Variants in DISC1 observed in about 807,000 individuals in gnomAD.
DISC1 encodes disrupted in schizophrenia 1 protein.
Under a neutral mutation model 84.5 loss-of-function variants are expected in DISC1, and 57 were observed. The observed-to-expected ratio is 0.67, with a 90% CI of 0.55 to 0.84. The LOEUF is 0.84. Among genes scored for constraint, DISC1 ranks in the 40% least tolerant of loss-of-function variants. DISC1 has a pLI of 0.00. For missense variants in DISC1, 1,000 were observed against 1,057.8 expected (o/e 0.95, Z 0.76); for synonymous variants, 411 against 415.2 (o/e 0.99, Z 0.12).
chr1:231,933,104 C>G (rs571548283), intron 9 of DISC1, among the ~76,000 whole-genome samples: 15 of 152,224 alleles, frequency 9.9e-5, no homozygotes, highest in Admixed American at 2.6e-4. Flanking sequence ...TTGTCGAGTA[C>G]CCATTATTTC....
chr1:231,864,793 G>A (rs1246160933), intron 9 of DISC1, among the ~76,000 whole-genome samples: 2 of 152,156 alleles, frequency 1.3e-5, no homozygotes, highest in Non-Finnish European at 2.9e-5. Context: ...AAAAATTCTT[G>A]TATATTGTTC....
chr1:231,816,587 T>G (rs1260543334), intron 8 of DISC1, among the ~76,000 whole-genome samples: 3 of 152,202 alleles, frequency 2.0e-5, no homozygotes, highest in Non-Finnish European at 4.4e-5. Flanking sequence ...TAAATTTTTG[T>G]GTGGTTTGAG....
chr1:231,814,683 A>G (rs985104578), intron 8 of DISC1, among the ~76,000 whole-genome samples: 2 of 152,062 alleles, frequency 1.3e-5, no homozygotes, highest in Non-Finnish European at 2.9e-5. Flanking sequence ...TTGTCTGCCA[A>G]ACTGCTAACA....
chr1:231,868,270 C>T (rs545188619), intron 9 of DISC1, among the ~76,000 whole-genome samples: 8 of 152,080 alleles, frequency 5.3e-5, no homozygotes, highest in East Asian at 3.9e-4. Context: ...ACTCTTAGTC[C>T]GTATTTTCCC....
intron 9 of DISC1, among the ~76,000 whole-genome samples, chr1:231,922,175 T>G (rs1203879008): frequency 2.0e-5 from 3 of 152,166 alleles, no homozygotes; most frequent in African/African-American, 7.2e-5. Flanking sequence ...AAGAATAGCA[T>G]GAATGCCTTC....
chr1:231,816,728 C>G (rs563157473), intron 8 of DISC1, among the ~76,000 whole-genome samples: 15 of 152,138 alleles, frequency 9.9e-5, no homozygotes, highest in Non-Finnish European at 1.9e-4. Context: ...TAATCCACTC[C>G]TGGACTGTTT....
intron 9 of DISC1, chr1:231,818,724 G>C (rs1022377238): frequency 8.7e-5 from 123 of 1,413,114 alleles, no homozygotes; most frequent in South Asian, 4.0e-4. Context: ...ATTCACATGT[G>C]ACATCTTTTC....
chr1:231,640,162 G>C (rs1287051890), intron 1 of DISC1, among the ~76,000 whole-genome samples: 1 of 152,108 alleles, frequency 6.6e-6, no homozygotes, highest in Non-Finnish European at 1.5e-5. Context: ...ATGGATTTGT[G>C]CTTAATAGCT....
chr1:231,723,587 A>G, intron 3 of DISC1: 1 of 985,460 alleles, frequency 1.0e-6, no homozygotes, highest in Non-Finnish European at 1.2e-6. Flanking sequence ...CAGAGCAAAC[A>G]TTTTAAAATA....
intron 9 of DISC1, among the ~76,000 whole-genome samples, chr1:231,861,730 G>T (rs73093444): frequency 0.018 from 2,704 of 152,194 alleles, 46 homozygotes; most frequent in African/African-American, 0.043. Context: ...TCACGTGATA[G>T]TTTTCCATTT....
intron 1 of DISC1, among the ~76,000 whole-genome samples, chr1:231,666,723 G>T (rs541695773): frequency 6.6e-6 from 1 of 152,196 alleles, no homozygotes; most frequent in Admixed American, 6.5e-5. Flanking sequence ...TCGCCAGCTT[G>T]AAGGATAAAA....
At position 232,009,448 on chromosome 1, in the gene DISC1, T is replaced by C; in HGVS notation, c.2307+399T>C. 1.8e-6 allele frequency: 1 copy of C among 545,760 alleles called. No homozygotes were observed. The highest frequency in any genetic ancestry group is 2.2e-6 in the Non-Finnish European group (1 of 458,764). The allele number at this position is 545,760 out of a possible 1,614,324, so 33.8% of individuals were successfully genotyped here. The stretch of plus-strand genomic sequence containing the variant: ...ACTATACATTATGTATTGTATGTCA[T>C]ATATGATGTTTATATATTTAGAATC... On this transcript the variant is annotated intron_variant, in intron 11 of 12. Coordinates refer to ENST00000439617, the MANE Select transcript of DISC1 (RefSeq NM_018662.3). The surrounding 1 kb of genome is among the most constrained non-coding windows in gnomAD (Gnocchi z 4.6).
chr1:231,854,054 C>T (rs1004002790), intron 9 of DISC1, among the ~76,000 whole-genome samples: 2 of 152,176 alleles, frequency 1.3e-5, no homozygotes, highest in African/African-American at 4.8e-5. Context: ...CAGTCTAGGG[C>T]GGCCCAAGGG....
chr1:231,887,799 A>G (rs2125997118), intron 9 of DISC1, among the ~76,000 whole-genome samples: 1 of 152,386 alleles, frequency 6.6e-6, no homozygotes, highest in African/African-American at 2.4e-5. Flanking sequence ...AAGGATTGAC[A>G]ACTACTATTT....
chr1:231,658,705 C>T (rs889665721), intron 1 of DISC1, among the ~76,000 whole-genome samples: 30 of 152,052 alleles, frequency 2.0e-4, no homozygotes, highest in African/African-American at 6.5e-4. Context: ...CAGATTTTAT[C>T]GAAGGCCTTT....
chr1:232,006,157 G>A (rs1172215189), intron 10 of DISC1, among the ~76,000 whole-genome samples: 5 of 152,106 alleles, frequency 3.3e-5, no homozygotes, highest in African/African-American at 1.2e-4. Flanking sequence ...TACATTGCGT[G>A]CTGGGCATGC....
chr1:231,798,255 G>T (rs1573900557), intron 7 of DISC1, among the ~76,000 whole-genome samples: 1 of 151,944 alleles, frequency 6.6e-6, no homozygotes, highest in Non-Finnish European at 1.5e-5. Flanking sequence ...AGTAATTAAG[G>T]GATAAATGAG....
intron 9 of DISC1, among the ~76,000 whole-genome samples, chr1:231,952,717 A>G (rs991103307): frequency 6.9e-6 from 1 of 144,424 alleles, no homozygotes; most frequent in Non-Finnish European, 1.5e-5. Flanking sequence ...ATATATATGT[A>G]TATATATATA....
At chr1:231,691,966 A>C (rs1402807312) in intron 1 of DISC1, among the ~76,000 whole-genome samples, 1 of 152,226 alleles carries the variant, frequency 6.6e-6, no homozygotes. Flanking sequence ...TGTCTTGAAG[A>C]AAGAAAGAAA....
Sources: gnomAD v4.1 joint callset for allele counts (sites outside exome capture counted in the v4.1 genomes callset) on GRCh38, gnomAD v4.1.1 for gene constraint, Gnocchi (gnomAD v3.1) non-coding constraint, MANE v1.5 for transcripts, NCBI Gene and HGNC (gene_info 2026-07-23, HGNC 2026-07-21) for gene names.